The following PTCD2 variants were observed in gnomAD, a reference collection of about 807,000 sequenced individuals.
The protein encoded by PTCD2 is pentatricopeptide repeat-containing protein 2, mitochondrial.
PTCD2 carries 31 observed loss-of-function variants against 42.6 expected under a neutral mutation model. The observed-to-expected ratio is 0.73, with a 90% CI of 0.55 to 0.98. PTCD2 has a LOEUF of 0.98. Ranked by LOEUF, PTCD2 falls within the 50% of genes least tolerant of loss-of-function variation. PTCD2 has a pLI of 0.00. For synonymous variants in PTCD2, 183 were observed against 170.9 expected (o/e 1.07, Z -0.55); for missense variants, 476 against 454.8 (o/e 1.05, Z -0.42).
At chr5:72,336,799 A>G (rs1470458977) in intron 6 of PTCD2, among the ~76,000 whole-genome samples, 1 of 152,108 alleles carries the variant, frequency 6.6e-6, no homozygotes, top group Non-Finnish European at 1.5e-5. Flanking sequence ...TGTTTAGTGA[A>G]TGATCATTGA....
intron 5 of PTCD2, 102 bp from the exon 6 acceptor site, chr5:72,335,692 G>T: frequency 3.4e-6 from 2 of 591,788 alleles, no homozygotes; most frequent in South Asian, 2.9e-5. Flanking sequence ...CTTTTATTTT[G>T]TTGAAATACA....
chr5:72,322,442 A>G (rs943322872), intron 2 of PTCD2, among the ~76,000 whole-genome samples, 178 bp downstream of exon 2: 1 of 152,240 alleles, frequency 6.6e-6, no homozygotes, highest in Admixed American at 6.5e-5. Flanking sequence ...CTTTGCTGCT[A>G]CAACGTCTAC....
intron 9 of PTCD2, among the ~76,000 whole-genome samples, chr5:72,354,871 G>A: frequency 6.6e-6 from 1 of 152,206 alleles, no homozygotes; most frequent in East Asian, 1.9e-4. Flanking sequence ...ATTAGGGTCT[G>A]TTCGTACAAA....
At chr5:72,349,744 G>A (rs886778305) in intron 8 of PTCD2, among the ~76,000 whole-genome samples, 6 of 152,118 alleles carry the variant, frequency 3.9e-5, no homozygotes, top group Admixed American at 1.3e-4. Flanking sequence ...GCAATGTGCT[G>A]TACCCTACTT....
At chr5:72,328,033 C>T (rs1257353022) in intron 3 of PTCD2, among the ~76,000 whole-genome samples, 2 of 152,008 alleles carry the variant, frequency 1.3e-5, no homozygotes, top group African/African-American at 2.4e-5. Context: ...TTAAAAAATT[C>T]ATTGAAAAAT....
Position 72,365,378 on chromosome 5 carries a change from A to G in PTCD2, c.*6951A>G, listed in dbSNP as rs1254419814. 1 of 152,260 alleles carries G rather than the reference A, an allele frequency of 6.6e-6. No individual in the cohort carries two copies. The highest frequency in any genetic ancestry group is 1.5e-5 in the Non-Finnish European group (1 of 68,062). The allele number at this position is 152,260 out of a possible 1,614,324, so 9.4% of individuals were successfully genotyped here. A position where few individuals can be genotyped will look rare whatever the true frequency, so the allele number is the denominator to read the frequency against. On this transcript the variant is annotated 3_prime_UTR_variant, in exon 10 of 10. Transcript: ENST00000380639. ...GGCCAAGATGCTCACCCAGAAGAGC[A>G]CAGCATCACCCTGTCTTTCAATCCC...
At chr5:72,326,206 C>T (rs1029093796) in intron 2 of PTCD2, among the ~76,000 whole-genome samples, 5 of 152,190 alleles carry the variant, frequency 3.3e-5, no homozygotes, top group Non-Finnish European at 5.9e-5. Context: ...TGCCAGTTGA[C>T]GGTTTGGGTG....
At chr5:72,320,560 AGT>A in intron 1 of PTCD2, 51 bp downstream of exon 1, 2 of 1,607,898 alleles carry the variant, frequency 1.2e-6, no homozygotes, top group East Asian at 2.2e-5. Flanking sequence ...GAGAGAAGGG[AGT>A]GTTAGATCCC....
At chr5:72,356,626 T>A (rs183041645) in intron 9 of PTCD2, among the ~76,000 whole-genome samples, 1 of 152,356 alleles carries the variant, frequency 6.6e-6, no homozygotes, top group East Asian at 1.9e-4. Flanking sequence ...AAATAATTGC[T>A]GATTTATTTC....
intron 8 of PTCD2, among the ~76,000 whole-genome samples, chr5:72,352,309 G>A (rs535997858): frequency 5.7e-4 from 86 of 152,084 alleles, no homozygotes; most frequent in Non-Finnish European, 9.0e-4. Flanking sequence ...CACCACTCTC[G>A]GCTAATTTTT....
chr5:72,342,527 T>C (rs925129432), intron 7 of PTCD2, among the ~76,000 whole-genome samples: 1 of 152,218 alleles, frequency 6.6e-6, no homozygotes, highest in African/African-American at 2.4e-5. Flanking sequence ...TTGTGAGATA[T>C]AGAGCACTGT....
intron 7 of PTCD2, among the ~76,000 whole-genome samples, chr5:72,339,449 G>C (rs1490047333): frequency 2.0e-5 from 3 of 152,148 alleles, no homozygotes; most frequent in Non-Finnish European, 4.4e-5. Context: ...TATAGCTGGA[G>C]AACTCTTATT....
intron 4 of PTCD2, among the ~76,000 whole-genome samples, chr5:72,332,359 G>C (rs1024070315): frequency 6.6e-6 from 1 of 151,980 alleles, no homozygotes; most frequent in Admixed American, 6.6e-5. Flanking sequence ...CAGATAGTTT[G>C]ATCCTGTTTT....
chr5:72,338,588 A>G (rs765046603), intron 6 of PTCD2, 34 bp from the exon 7 acceptor site: 4 of 1,139,368 alleles, frequency 3.5e-6, no homozygotes, highest in Non-Finnish European at 5.2e-6. Context: ...TTAAAGGTTT[A>G]TAACATTAAT....
chr5:72,338,861 A>T, intron 7 of PTCD2, 126 bp downstream of exon 7: 1 of 512,584 alleles, frequency 2.0e-6, no homozygotes. Flanking sequence ...AAAGAGACCA[A>T]TGCCTTTGTT....
chr5:72,343,150 G>A (rs1438977790), intron 8 of PTCD2, 114 bp downstream of exon 8: 4 of 454,532 alleles, frequency 8.8e-6, no homozygotes, highest in Non-Finnish European at 1.5e-5. Context: ...CTCTCCCAAG[G>A]TTTTCATTCA....
chr5:72,357,835 G>A (rs536070963), intron 9 of PTCD2, among the ~76,000 whole-genome samples: 1 of 151,026 alleles, frequency 6.6e-6, no homozygotes, highest in Non-Finnish European at 1.5e-5. Context: ...ACGATTTTAG[G>A]TGTATACCAT....
At chr5:72,323,396 C>T (rs1750965389) in intron 2 of PTCD2, among the ~76,000 whole-genome samples, 1 of 152,110 alleles carries the variant, frequency 6.6e-6, no homozygotes, top group Non-Finnish European at 1.5e-5. Context: ...AAATCTTGTG[C>T]ATTCATTCTC....
At chr5:72,348,134 A>C (rs1449216576) in intron 8 of PTCD2, among the ~76,000 whole-genome samples, 3 of 152,196 alleles carry the variant, frequency 2.0e-5, no homozygotes, top group Admixed American at 6.5e-5. Flanking sequence ...ATGATGAAAA[A>C]GATATGGTTG....
Sources: gnomAD v4.1 joint callset for allele counts (sites outside exome capture counted in the v4.1 genomes callset) on GRCh38, gnomAD v4.1.1 for gene constraint, MANE v1.5 for transcripts, NCBI Gene and HGNC (gene_info 2026-07-23, HGNC 2026-07-21) for gene names.